ATP6V0A2: variants seen among roughly 807,000 people sequenced by gnomAD.
The protein encoded by ATP6V0A2 is V-type proton ATPase 116 kDa subunit a 2.
A neutral mutation model predicts 104.4 loss-of-function variants in ATP6V0A2; 58 were observed. The ratio of observed to expected loss-of-function variants is 0.56; its 90% CI spans 0.45 to 0.69. ATP6V0A2 has a LOEUF of 0.69. Among genes scored for constraint, ATP6V0A2 ranks in the 30% least tolerant of loss-of-function variants. ATP6V0A2 has a pLI of 0.00. For synonymous variants in ATP6V0A2, 376 were observed against 397.9 expected (o/e 0.95, Z 0.65); for missense variants, 938 against 1,062.9 (o/e 0.88, Z 1.63).
In ATP6V0A2 at chr12:123,727,772, C is replaced by T. The variant is rs373983979; in HGVS notation, c.522-11C>T. 7 of 1,613,912 alleles carry T rather than the reference C, an allele frequency of 4.3e-6. No homozygotes were observed. Among genetic ancestry groups the T allele is most frequent in the Non-Finnish European group, 5.9e-6 (7 of 1,180,016 alleles). On this transcript the variant is annotated splice_polypyrimidine_tract_variant and intron_variant, in intron 5 of 19. Transcript: ENST00000330342. Reference sequence around the variant, plus strand: ...TTCAGTTGACTACAGGTTGACTTTACTGTCTCACAGATTTGTGTCTGGCCT... The same window carrying T: ...TTCAGTTGACTACAGGTTGACTTTATTGTCTCACAGATTTGTGTCTGGCCT...
rs368905954 is a variant in ATP6V0A2, at chr12:123,747,664, T to A, written c.1663T>A (p.Ser555Thr). ...TCTAAACTCTTTCAAAATGAAAATG[T>A]CCGTGATTTTAGGAATCATTCATAT... Reference protein sequence around the residue: ...TFLNSFKMKMSVILGIIHMTF... With the variant: ...TFLNSFKMKMTVILGIIHMTF... The change falls in exon 14 of 20, where the codon TCC becomes ACC. Residue 555 changes from serine to threonine, a missense_variant. Transcript: ENST00000330342. 3.7e-6 allele frequency: 6 copies of A among 1,613,852 alleles called. No homozygotes were observed. The highest frequency in any genetic ancestry group is 8.5e-7 in the Non-Finnish European group (1 of 1,179,810).
chr12:123,730,307 G>A (rs560596913), intron 6 of ATP6V0A2, among the ~76,000 whole-genome samples: 2 of 151,792 alleles, frequency 1.3e-5, no homozygotes, highest in South Asian at 2.1e-4. Context: ...CACCCGCCTC[G>A]GCCTCCCAAA....
chr12:123,727,923 A>G lies in ATP6V0A2; in HGVS notation c.648+14A>G, dbSNP rs757516039. On this transcript the variant is annotated intron_variant, in intron 6 of 19. Coordinates refer to ENST00000330342, the MANE Select transcript of ATP6V0A2 (RefSeq NM_012463.4). Reference sequence around the variant, plus strand: ...GACCCTGAAACAGTGAGTAAATGTCACCATCACCTTTTAGCAATGACGGAC... The same window carrying G: ...GACCCTGAAACAGTGAGTAAATGTCGCCATCACCTTTTAGCAATGACGGAC... 10 of 1,614,220 alleles carry G rather than the reference A, an allele frequency of 6.2e-6. No individual in the cohort carries two copies. Among genetic ancestry groups the G allele is most frequent in the Non-Finnish European group, 8.5e-6 (10 of 1,180,030 alleles).
Position 123,729,322 on chromosome 12 carries a change from G to GTTTTTTTTTTTGTT in ATP6V0A2, c.648+1425_648+1426insTTTTTTTTTTTTTG, listed in dbSNP as rs1555296870. Reference sequence around the variant, plus strand: ...AATCAACTGTTTCTTCAAGGAGGCTGTTTTTTTTTTTGAGTGCAAATCTTG... The same window carrying GTTTTTTTTTTTGTT: ...AATCAACTGTTTCTTCAAGGAGGCTGTTTTTTTTTTTGTTTTTTTTTTTTTGAGTGCAAATCTTG... On this transcript the variant is annotated intron_variant, in intron 6 of 19. Coordinates refer to ENST00000330342, the MANE Select transcript of ATP6V0A2 (RefSeq NM_012463.4). Among the ~76,000 whole-genome samples the GTTTTTTTTTTTGTT allele has an allele frequency of 4.4e-5, 5 of 113,894 alleles. No individual in the cohort carries two copies. The South Asian group carries it at 1.2e-3, about 27-fold the overall frequency. 74.7% of individuals were successfully genotyped at this position (113,894 alleles called of 152,430 possible).
intron 16 of ATP6V0A2, among the ~76,000 whole-genome samples, chr12:123,751,893 G>A (rs546967076): frequency 8.8e-4 from 102 of 116,208 alleles, no homozygotes; most frequent in African/African-American, 2.8e-3. Context: ...TGGAGTCTTC[G>A]TCTGTTGCCC....
chr12:123,742,591 CT>C (rs764340760), intron 9 of ATP6V0A2, among the ~76,000 whole-genome samples: 2 of 152,160 alleles, frequency 1.3e-5, no homozygotes, highest in Non-Finnish European at 2.9e-5. Flanking sequence ...AATCCCAGCA[CT>C]TTGGGAGGCC....
At chr12:123,750,842 ACT>A (rs1956707367) in intron 15 of ATP6V0A2, 3 of 464,216 alleles carry the variant, frequency 6.5e-6, no homozygotes, top group Admixed American at 6.7e-5. Context: ...TTGGAGTTTG[ACT>A]CTCTTTAGAA....
Position 123,744,693 on chromosome 12 carries a change from T to G in ATP6V0A2, c.1423T>G (p.Ser475Ala), listed in dbSNP as rs1203307324. 5 of 1,614,104 alleles carry G rather than the reference T, an allele frequency of 3.1e-6. No individual in the cohort carries two copies. Among genetic ancestry groups the G allele is most frequent in the East Asian group, 2.2e-5 (1 of 44,882 alleles). The change falls in exon 12 of 20, where the codon TCA becomes GCA. Residue 475 changes from serine to alanine, a missense_variant. Transcript: ENST00000330342. The surrounding 1 kb of genome is among the most constrained non-coding windows in gnomAD (Gnocchi z 5.4). ...CATCTACAACGACTGCTTTTCAAAG[T>G]CAGTCAACCTGTTCGGCTCTGGGTG... ...GLIYNDCFSK[S>A]VNLFGSGWNV...
chr12:123,738,988 A>G (rs1254195721), intron 9 of ATP6V0A2: 1 of 152,266 alleles, frequency 6.6e-6, no homozygotes, highest in Non-Finnish European at 1.5e-5. Flanking sequence ...TGAGAGATAA[A>G]CACAGATGAT....
chr12:123,715,054 C>T (rs1416150393), intron 1 of ATP6V0A2, among the ~76,000 whole-genome samples: 2 of 152,318 alleles, frequency 1.3e-5, no homozygotes, highest in East Asian at 3.9e-4. Flanking sequence ...TGCACTCCAG[C>T]CTGGCAACAG....
At position 123,748,583 on chromosome 12, in the gene ATP6V0A2, GGAA is replaced by G; in HGVS notation, c.1738_1740del (p.Lys580del). On this transcript the variant is annotated inframe_deletion, in exon 15 of 20. Transcript: ENST00000330342. ...TTCCTTTTCTTTCCTAGGCACTTCA[GGAA>G]GAAGTTCAACATTTACCTGGTTTCC... 6.2e-7 allele frequency: 1 copy of G among 1,612,456 alleles called. No individual in the cohort carries two copies. The highest frequency in any genetic ancestry group is 8.5e-7 in the Non-Finnish European group (1 of 1,178,482).
intron 7 of ATP6V0A2, among the ~76,000 whole-genome samples, chr12:123,735,040 T>C (rs1163849691): frequency 6.6e-6 from 1 of 152,122 alleles, no homozygotes; most frequent in East Asian, 1.9e-4. Flanking sequence ...ACACAGCTCG[T>C]CATTCCCTCG....
intron 1 of ATP6V0A2, among the ~76,000 whole-genome samples, chr12:123,717,300 G>C (rs1956351684): frequency 8.1e-6 from 1 of 123,660 alleles, no homozygotes; most frequent in East Asian, 2.3e-4. Context: ...GGGCAACAGA[G>C]CGAAACTCTG....
chr12:123,755,803 C>T (rs1397177226), intron 18 of ATP6V0A2, among the ~76,000 whole-genome samples: 1 of 151,758 alleles, frequency 6.6e-6, no homozygotes, highest in Non-Finnish European at 1.5e-5. Context: ...CTCTTATTAG[C>T]TGGGTGCTGT....
At chr12:123,740,732 C>A (rs1229953910) in intron 9 of ATP6V0A2, among the ~76,000 whole-genome samples, 1 of 152,120 alleles carries the variant, frequency 6.6e-6, no homozygotes, top group African/African-American at 2.4e-5. Flanking sequence ...TCCTTTTTGT[C>A]TTTCGTTACT....
chr12:123,741,359 G>A (rs1956607250), intron 9 of ATP6V0A2, among the ~76,000 whole-genome samples: 1 of 152,054 alleles, frequency 6.6e-6, no homozygotes, highest in Non-Finnish European at 1.5e-5. Flanking sequence ...GCTGAGTCAC[G>A]GGACTCCCTT....
chr12:123,757,844 T>G (rs1211970199), intron 19 of ATP6V0A2, 83 bp from the exon 20 acceptor site: 2 of 525,022 alleles, frequency 3.8e-6, no homozygotes, highest in African/African-American at 2.6e-5. Flanking sequence ...AGCACAGGAA[T>G]TTTTTTTTTT....
intron 19 of ATP6V0A2, 24 bp downstream of exon 19, chr12:123,757,010 A>G (rs752872583): frequency 1.2e-6 from 2 of 1,613,920 alleles, no homozygotes; most frequent in East Asian, 4.5e-5. Flanking sequence ...CTAGCCTTGG[A>G]GCTGTTATTT....
chr12:123,713,852 CT>C (rs1440757072), intron 1 of ATP6V0A2, among the ~76,000 whole-genome samples: 1 of 152,112 alleles, frequency 6.6e-6, no homozygotes, highest in African/African-American at 2.4e-5. Flanking sequence ...GGGATCAGCC[CT>C]ACCCGAGATC....
Sources: gnomAD v4.1 joint callset for allele counts (sites outside exome capture counted in the v4.1 genomes callset) on GRCh38, gnomAD v4.1.1 for gene constraint, Gnocchi (gnomAD v3.1) non-coding constraint, MANE v1.5 for transcripts, NCBI Gene and HGNC (gene_info 2026-07-23, HGNC 2026-07-21) for gene names.